The following CPT1A variants were observed in gnomAD, a reference collection of about 807,000 sequenced individuals.
CPT1A encodes the protein carnitine palmitoyltransferase 1A.
CPT1A carries 64 observed loss-of-function variants against 100.8 expected under a neutral mutation model. The observed-to-expected ratio is 0.63, with a 90% confidence interval of 0.52 to 0.78. The LOEUF (loss-of-function observed/expected upper bound fraction) is 0.78, where lower values mean the gene tolerates loss of function less well. Among genes scored for constraint, CPT1A ranks in the 30% least tolerant of loss-of-function variants. CPT1A has a pLI of 0.00. For synonymous variants in CPT1A, 363 were observed against 396.0 expected, an observed-to-expected ratio of 0.92 and a Z score of 0.99; for missense variants, 802 against 1,034.1, an observed-to-expected ratio of 0.78 and a Z score of 3.08.
intron 1 of CPT1A, among the ~76,000 whole-genome samples, chr11:68,821,791 A>G (rs1856591931): frequency 6.6e-6 from 1 of 152,104 alleles, no homozygotes; most frequent in Non-Finnish European, 1.5e-5. Flanking sequence ...AGCTGACCGT[A>G]TAGGTTTGGT....
At chr11:68,774,692 G>C (rs1348782897) in intron 13 of CPT1A, among the ~76,000 whole-genome samples, 1 of 149,158 alleles carries the variant, frequency 6.7e-6, no homozygotes, top group Non-Finnish European at 1.5e-5. Flanking sequence ...TGAAGCAGGA[G>C]AATCGTTTGA....
In CPT1A at chr11:68,825,554, G is replaced by A. The variant is rs1204227364; in HGVS notation, c.-13-10067C>T. 3.3e-5 allele frequency among the ~76,000 whole-genome samples: 5 copies of A among 152,240 alleles called. No homozygotes were observed. In the South Asian group the frequency reaches 6.2e-4, roughly 19 times the overall value. ...CCCCGTCCCCACTACCCACAATCTG[G>A]AAATACCTGAACAGTCACCACCTGC... On this transcript the variant is annotated intron_variant, in intron 1 of 18. Coordinates refer to ENST00000265641, the MANE Select transcript of CPT1A (RefSeq NM_001876.4).
chr11:68,769,328 C>T (rs781364741), intron 14 of CPT1A, among the ~76,000 whole-genome samples: 7 of 152,308 alleles, frequency 4.6e-5, no homozygotes, highest in South Asian at 2.1e-4. Context: ...CCTCCACCTC[C>T]GGGGCTCAAG....
At chr11:68,826,485 A>G (rs562115523) in intron 1 of CPT1A, among the ~76,000 whole-genome samples, 52 of 151,022 alleles carry the variant, frequency 3.4e-4, no homozygotes, top group African/African-American at 1.2e-3. Context: ...CTGTAATCCC[A>G]GCACTTTGGG....
At chr11:68,793,192 A>G (rs369725112) in intron 9 of CPT1A, 123 bp downstream of exon 9, 3 of 655,602 alleles carry the variant, frequency 4.6e-6, no homozygotes, top group Admixed American at 2.9e-5. Context: ...AGGAATGTTC[A>G]CCAGCCTACA....
At position 68,799,237 on chromosome 11, in the gene CPT1A, G is replaced by T; in HGVS notation, c.674C>A (p.Ser225Tyr). 1 of 1,613,856 alleles carries T rather than the reference G, an allele frequency of 6.2e-7. No individual in the cohort carries two copies. The highest frequency in any genetic ancestry group is 1.1e-5 in the South Asian group (1 of 91,080). ...ACTTACGTAATTTGTAGCCCACCAG[G>T]ATTTTAACTTCAAATACCACTGTAA... The part of the protein sequence containing the change: ...PRLQWYLKLK[S>Y]WWATNYVSDW... The change falls in exon 6 of 19, where the codon TCC (serine) becomes TAC (tyrosine). Residue 225 changes from serine to tyrosine, a missense_variant. Physicochemically the swap from Ser to Tyr is moderately radical, Grantham distance 144. Transcript: ENST00000265641.
chr11:68,754,759 ATGTCCATGG>A, downstream of CPT1A: 1 of 777,610 alleles, frequency 1.3e-6, no homozygotes, highest in Non-Finnish European at 2.4e-6. Flanking sequence ...GAACTTGGTG[ATGTCCATGG>A]TCTCCTCCAA....
At position 68,757,707 on chromosome 11, in the gene CPT1A, G is replaced by A. The variant is rs752442128; in HGVS notation, c.2259C>T (p.His753=). 1.2e-6 allele frequency: 2 copies of A among 1,613,838 alleles called. No individual in the cohort carries two copies. Among genetic ancestry groups the A allele is most frequent in the African/African-American group, 1.3e-5 (1 of 74,864 alleles). The change falls in exon 19 of 19, where the codon CAC becomes CAT. Residue 753 remains histidine, a synonymous_variant. Coordinates refer to ENST00000265641, the MANE Select transcript of CPT1A (RefSeq NM_001876.4). Reference sequence around the variant, plus strand: ...TGATGTCAGTCATTGCTTCTTTCAGGTGCCTTCCAAAGCGATGAGAATCCT... The same window carrying A: ...TGATGTCAGTCATTGCTTCTTTCAGATGCCTTCCAAAGCGATGAGAATCCT... ...PETDSHRFGR[H]LKEAMTDIIT...
At chr11:68,766,674 GGC>G (rs1335647062) in intron 14 of CPT1A, among the ~76,000 whole-genome samples, 1 of 151,638 alleles carries the variant, frequency 6.6e-6, no homozygotes, top group Non-Finnish European at 1.5e-5. Context: ...TTTTGGTAGA[GGC>G]AGGGTTTCAC....
chr11:68,817,086 GGTT>G (rs1856439750), intron 1 of CPT1A, among the ~76,000 whole-genome samples: 1 of 134,910 alleles, frequency 7.4e-6, no homozygotes, highest in African/African-American at 2.7e-5. Context: ...GCGTGTGTGT[GGTT>G]GTGTGTGTGT....
chr11:68,829,364 C>G (rs1255851912), intron 1 of CPT1A, among the ~76,000 whole-genome samples: 1 of 152,164 alleles, frequency 6.6e-6, no homozygotes, highest in East Asian at 1.9e-4. Flanking sequence ...GATTTTCTTC[C>G]ATGCCCAGGT....
chr11:68,799,139 C>T (rs925338313), intron 6 of CPT1A, 79 bp downstream of exon 6: 74 of 1,335,698 alleles, frequency 5.5e-5, no homozygotes, highest in Middle Eastern at 2.2e-4. Flanking sequence ...GTCATTTCAG[C>T]CCTGTTATCC....
rs1251355160 is a variant in CPT1A, at chr11:68,773,378, C to T, written c.1627G>A (p.Asp543Asn). Reference protein sequence around the residue: ...SLNTANLLANDVDFHSFPFVA... With the variant: ...SLNTANLLANNVDFHSFPFVA... ...AATGGGAAGGAATGGAAATCCACGT[C>T]GTTTGCCAGAAGATTTGCGGTGTTC... The change falls in exon 14 of 19, where the codon GAC becomes AAC. Residue 543 changes from aspartate to asparagine, a missense_variant. Asp to Asn is a conservative substitution (Grantham distance 23, BLOSUM62 1). Around this residue, in one of 4 missense-constraint regions of CPT1A, gnomAD observed 627 missense variants for 799.3 expected, o/e 0.78. Coordinates refer to ENST00000265641, the MANE Select transcript of CPT1A (RefSeq NM_001876.4). 1.2e-6 allele frequency: 2 copies of T among 1,614,180 alleles called. No individual in the cohort carries two copies. Among genetic ancestry groups the T allele is most frequent in the Non-Finnish European group, 1.7e-6 (2 of 1,180,040 alleles).
chr11:68,775,191 A>G, intron 13 of CPT1A, 125 bp downstream of exon 13: 1 of 786,868 alleles, frequency 1.3e-6, no homozygotes. Context: ...AACAACTTTC[A>G]GCCTCAGTGG....
chr11:68,787,251 A>G (rs1855489579), intron 9 of CPT1A, among the ~76,000 whole-genome samples: 1 of 151,952 alleles, frequency 6.6e-6, no homozygotes, highest in Non-Finnish European at 1.5e-5. Flanking sequence ...CCTAGCTAAT[A>G]TGGTGAAACC....
At chr11:68,784,234 C>G (rs1855389373) in intron 10 of CPT1A, among the ~76,000 whole-genome samples, 1 of 152,150 alleles carries the variant, frequency 6.6e-6, no homozygotes, top group African/African-American at 2.4e-5. Flanking sequence ...GTTCTGTTTC[C>G]TAAATTAATA....
chr11:68,761,803 G>T (rs986593414), intron 15 of CPT1A, 116 bp from the exon 16 acceptor site: 12 of 1,214,260 alleles, frequency 9.9e-6, no homozygotes, highest in Admixed American at 7.0e-5. Context: ...TAGAGACGGG[G>T]TTTCAACATG....
rs116338923 is a variant in CPT1A at position 68,819,368 on chromosome 11, C to A, written c.-13-3881G>T. ...GTGCCGGGATTACTGCTATGAGCCA[C>A]CACGCCCCGCCTCAAGGTTAACTCT... is the stretch of plus-strand genomic sequence containing the variant. On this transcript the variant is annotated intron_variant, in intron 1 of 18. Coordinates refer to ENST00000265641, the MANE Select transcript of CPT1A (RefSeq NM_001876.4). 4.2e-3 allele frequency among the ~76,000 whole-genome samples: 639 copies of A among 152,282 alleles called. 5 individuals carry two copies. The highest frequency in any genetic ancestry group is 0.015 in the African/African-American group (611 of 41,562).
At chr11:68,766,060 C>T (rs1406492681) in intron 14 of CPT1A, among the ~76,000 whole-genome samples, 2 of 151,864 alleles carry the variant, frequency 1.3e-5, no homozygotes, top group African/African-American at 4.8e-5. Context: ...TTAGTAGAGA[C>T]GCGTTTCCCC....
Sources: gnomAD v4.1 joint callset for allele counts (sites outside exome capture counted in the v4.1 genomes callset) on GRCh38, gnomAD v4.1.1 for gene constraint, gnomAD v4.1.1 regional missense constraint, MANE v1.5 for transcripts, NCBI Gene and HGNC (gene_info 2026-07-23, HGNC 2026-07-21) for gene names.